UPRT: variants seen among roughly 807,000 people sequenced by gnomAD.
The protein encoded by UPRT is uracil phosphoribosyltransferase homolog.
A neutral mutation model predicts 22.6 loss-of-function variants in UPRT; 5 were observed. The observed-to-expected ratio is 0.22, with a 90% CI of 0.12 to 0.47. The LOEUF (loss-of-function observed/expected upper bound fraction) is 0.47, where lower values mean the gene tolerates loss of function less well. Among genes scored for constraint, UPRT ranks in the 20% least tolerant of loss-of-function variants. The probability of loss-of-function intolerance (pLI) is 0.99; values close to 1 mark genes in which losing one functional copy is unlikely to be tolerated. For missense variants in UPRT, 181 were observed against 239.9 expected (o/e 0.75, Z 1.62); for synonymous variants, 77 against 87.7 (o/e 0.88, Z 0.68).
At chrX:75,243,166 C>T (rs773683889) in intron 4 of UPRT, among the ~76,000 whole-genome samples, 11 of 111,396 alleles carry the variant, frequency 9.9e-5, no homozygotes, top group African/African-American at 2.9e-4. Flanking sequence ...TGCTGCCTAA[C>T]ATTATCCTTT....
chrX:75,173,528 G>A (rs963447033), intron 4 of UPRT, among the ~76,000 whole-genome samples: 3 of 112,739 alleles, frequency 2.7e-5, no homozygotes, highest in African/African-American at 9.7e-5. Context: ...GAGCCTAGCT[G>A]GCTTCACCTA....
chrX:75,274,006 T>C (rs2082620154), upstream of UPRT: 2 of 367,457 alleles, frequency 5.4e-6, no homozygotes, highest in Non-Finnish European at 9.1e-6. Context: ...TAACAAGCAG[T>C]GGCGCCGCAG....
chrX:75,175,242 C>A (rs139355107), intron 4 of UPRT, among the ~76,000 whole-genome samples: 2 of 111,726 alleles, frequency 1.8e-5, no homozygotes, highest in African/African-American at 6.5e-5. Flanking sequence ...TAGGGGACAA[C>A]AAATGGGTAA....
chrX:75,272,338 ATATATACACATATATATATG>A (rs1318884119), upstream of UPRT, among the ~76,000 whole-genome samples: 191 of 89,144 alleles, frequency 2.1e-3, 1 homozygote, highest in African/African-American at 3.8e-3. Context: ...ATGTATATAT[ATATATACACATATATATATG>A]TGTATATATA....
intron 4 of UPRT, among the ~76,000 whole-genome samples, chrX:75,200,722 C>A (rs1008944950): frequency 9.0e-6 from 1 of 111,175 alleles, no homozygotes; most frequent in Non-Finnish European, 1.9e-5. Flanking sequence ...GAGGCTGAGG[C>A]GGGCGGATTG....
At chrX:75,206,924 A>G (rs972899176) in intron 4 of UPRT, among the ~76,000 whole-genome samples, 6 of 112,349 alleles carry the variant, frequency 5.3e-5, no homozygotes, top group African/African-American at 1.9e-4. Flanking sequence ...TTGGCCTCCC[A>G]AAGTGTTGAG....
chrX:75,297,628 G>A, intron 4 of UPRT, 75 bp downstream of exon 4: 1 of 1,086,062 alleles, frequency 9.2e-7, no homozygotes, highest in Non-Finnish European at 1.3e-6. Context: ...AGAGAGGCAG[G>A]CTTGTCTGTC....
At chrX:75,204,883 T>C (rs1455554456) in intron 4 of UPRT, among the ~76,000 whole-genome samples, 3 of 110,562 alleles carry the variant, frequency 2.7e-5, no homozygotes, top group Non-Finnish European at 5.7e-5. Context: ...GGGGTCCAGC[T>C]CTCAGAGGTT....
At position 75,274,303 on chromosome X, in the gene UPRT, C is replaced by G. The variant is rs1237094867; in HGVS notation, c.49C>G (p.Gln17Glu). ...GGACTCCATGCCCTGTCACAACCAG[C>G]AAGTAAACTCTGCCTCAACCCCAAG... ...CPDSMPCHNQ[Q>E]VNSASTPSPE... The change falls in exon 1 of 7, where the codon CAA (glutamine) becomes GAA (glutamate). Residue 17 changes from glutamine to glutamate, a missense_variant. Transcript: ENST00000373383. 1 of 1,211,374 alleles carries G rather than the reference C, an allele frequency of 8.3e-7. No homozygotes were observed. Among genetic ancestry groups the G allele is most frequent in the South Asian group, 1.8e-5 (1 of 56,831 alleles).
At chrX:75,208,971 G>A (rs999042604) in intron 4 of UPRT, among the ~76,000 whole-genome samples, 8 of 111,790 alleles carry the variant, frequency 7.2e-5, no homozygotes, top group Admixed American at 1.9e-4. Context: ...TAGAATTGCC[G>A]GAGGCAAATT....
At chrX:75,194,314 G>A (rs767772259) in intron 4 of UPRT, among the ~76,000 whole-genome samples, 16 of 111,417 alleles carry the variant, frequency 1.4e-4, no homozygotes, top group Non-Finnish European at 2.1e-4. Context: ...GGCCCCTTGA[G>A]GTTTGGAACC....
intron 4 of UPRT, among the ~76,000 whole-genome samples, chrX:75,180,574 T>G (rs998865221): frequency 1.8e-5 from 2 of 111,238 alleles, no homozygotes; most frequent in African/African-American, 3.3e-5. Flanking sequence ...CTGCAGTATT[T>G]CTGGAGCAAA....
intron 2 of UPRT, among the ~76,000 whole-genome samples, chrX:75,295,733 T>A (rs986947377): frequency 3.0e-4 from 34 of 111,877 alleles, no homozygotes; most frequent in African/African-American, 1.1e-3. Flanking sequence ...GAGGCTCTTG[T>A]AGTAGTTCTG....
At chrX:75,254,425 A>G (rs1222798406) in intron 4 of UPRT, among the ~76,000 whole-genome samples, 1 of 112,495 alleles carries the variant, frequency 8.9e-6, no homozygotes, top group East Asian at 2.8e-4. Context: ...GAAGTAGAAG[A>G]AAGAAAGTCA....
intron 4 of UPRT, among the ~76,000 whole-genome samples, chrX:75,267,182 C>G (rs764428934): frequency 8.9e-6 from 1 of 111,900 alleles, no homozygotes; most frequent in African/African-American, 3.2e-5. Flanking sequence ...AGCCTTGGAA[C>G]CAACCGAAAT....
intron 4 of UPRT, among the ~76,000 whole-genome samples, chrX:75,225,323 C>CCACACACACACACACACACACA (rs57493246): frequency 1.2e-5 from 1 of 82,044 alleles, no homozygotes; most frequent in African/African-American, 4.4e-5. Flanking sequence ...AAACCAAAAA[C>CCACACACACACACACACACACA]CACACACACA....
At chrX:75,209,929 T>A (rs1465604840) in intron 4 of UPRT, among the ~76,000 whole-genome samples, 1 of 112,495 alleles carries the variant, frequency 8.9e-6, no homozygotes, top group East Asian at 2.8e-4. Flanking sequence ...AAGGCCACTT[T>A]GATTAAGTCT....
At chrX:75,284,692 T>G (rs2082672787) in intron 1 of UPRT, among the ~76,000 whole-genome samples, 1 of 110,932 alleles carries the variant, frequency 9.0e-6, no homozygotes, top group South Asian at 3.8e-4. Context: ...CCTGTTCCAG[T>G]GGAGGTGGCA....
chrX:75,188,378 G>T (rs1043684570), intron 4 of UPRT, among the ~76,000 whole-genome samples: 1 of 112,058 alleles, frequency 8.9e-6, no homozygotes, highest in Non-Finnish European at 1.9e-5. Flanking sequence ...CAGTCTGCCC[G>T]TTCTCAGATC....
Sources: allele counts gnomAD v4.1 joint callset (sites outside exome capture counted in the v4.1 genomes callset), GRCh38; gene constraint gnomAD v4.1.1; transcripts MANE v1.5; gene names NCBI Gene and HGNC (gene_info 2026-07-23, HGNC 2026-07-21).